TBC1D15: variants seen among roughly 807,000 people sequenced by gnomAD.
TBC1D15 encodes TBC1 domain family member 15, also known as GAP for RAB7.
A neutral mutation model predicts 95.4 loss-of-function variants in TBC1D15; 39 were observed. The ratio of observed to expected loss-of-function variants is 0.41; its 90% CI spans 0.32 to 0.53. TBC1D15 has a LOEUF of 0.53. Ranked by LOEUF, TBC1D15 falls within the 20% of genes least tolerant of loss-of-function variation. The pLI is 0.29. For missense variants in TBC1D15, 733 were observed against 794.3 expected, an observed-to-expected ratio of 0.92 and a Z score of 0.93; for synonymous variants, 258 against 261.3, an observed-to-expected ratio of 0.99 and a Z score of 0.12.
At chr12:71,876,291 C>T (rs1278273874) in intron 3 of TBC1D15, among the ~76,000 whole-genome samples, 6 of 152,112 alleles carry the variant, frequency 3.9e-5, no homozygotes, top group African/African-American at 7.2e-5. Context: ...TAACATTCTT[C>T]TAACACTGCT....
intron 1 of TBC1D15, among the ~76,000 whole-genome samples, chr12:71,870,415 C>T (rs1355017824): frequency 2.0e-5 from 3 of 152,142 alleles, no homozygotes; most frequent in Non-Finnish European, 2.9e-5. Context: ...ATGTAAGCTT[C>T]TGTTTATATG....
chr12:71,842,893 G>T (rs1042421811), intron 1 of TBC1D15, among the ~76,000 whole-genome samples: 2 of 151,720 alleles, frequency 1.3e-5, no homozygotes, highest in Admixed American at 1.3e-4. Context: ...GGGAGAAATG[G>T]GTCCATTAAT....
intron 11 of TBC1D15, among the ~76,000 whole-genome samples, chr12:71,910,294 G>A (rs1311350024): frequency 2.7e-5 from 4 of 150,442 alleles, no homozygotes; most frequent in Admixed American, 6.6e-5. Flanking sequence ...ATCAGGTAGT[G>A]TGATGCCTCC....
At chr12:71,911,426 T>C (rs1007616879) in intron 11 of TBC1D15, among the ~76,000 whole-genome samples, 15 of 151,414 alleles carry the variant, frequency 9.9e-5, no homozygotes, top group African/African-American at 3.4e-4. Flanking sequence ...ATATACACCA[T>C]GGAATACTAT....
chr12:71,882,314 T>G (rs577893958), intron 4 of TBC1D15, among the ~76,000 whole-genome samples: 1 of 152,312 alleles, frequency 6.6e-6, no homozygotes, highest in South Asian at 2.1e-4. Flanking sequence ...GAAATATTCC[T>G]TCCAAGAACA....
intron 5 of TBC1D15, among the ~76,000 whole-genome samples, chr12:71,887,218 A>G (rs113278332): frequency 6.6e-6 from 1 of 152,222 alleles, no homozygotes; most frequent in Admixed American, 6.5e-5. Context: ...TACTTGATCA[A>G]CTATCAAGTT....
intron 8 of TBC1D15, 100 bp downstream of exon 8, chr12:71,896,175 GT>G (rs202051621): frequency 0.12 from 93,486 of 789,944 alleles, no homozygotes; most frequent in East Asian, 0.16. Context: ...TTTGTTGTTG[GT>G]TTTTTTTTTT....
intron 12 of TBC1D15, among the ~76,000 whole-genome samples, chr12:71,914,862 C>G (rs537837691): frequency 6.6e-6 from 1 of 152,016 alleles, no homozygotes; most frequent in African/African-American, 2.4e-5. Context: ...TATTCTTTCC[C>G]TTTTGCTTGC....
intron 4 of TBC1D15, among the ~76,000 whole-genome samples, chr12:71,882,296 A>G (rs1374228122): frequency 6.6e-6 from 1 of 152,138 alleles, no homozygotes; most frequent in Non-Finnish European, 1.5e-5. Flanking sequence ...GACAAGTTAA[A>G]TGTTTTGGAA....
chr12:71,843,557 A>G (rs1197704321), intron 1 of TBC1D15, among the ~76,000 whole-genome samples: 1 of 152,132 alleles, frequency 6.6e-6, no homozygotes, highest in Non-Finnish European at 1.5e-5. Flanking sequence ...TTTTTCTGGC[A>G]TTCTTTAGTT....
intron 1 of TBC1D15, among the ~76,000 whole-genome samples, chr12:71,842,169 C>T (rs1885188618): frequency 1.3e-5 from 2 of 152,170 alleles, no homozygotes; most frequent in Admixed American, 6.5e-5. Context: ...TCTTAAAACT[C>T]TACTTGCTTT....
At chr12:71,875,054 T>C (rs1395695687) in intron 3 of TBC1D15, among the ~76,000 whole-genome samples, 2 of 152,112 alleles carry the variant, frequency 1.3e-5, no homozygotes, top group East Asian at 3.9e-4. Context: ...TCCATCCACC[T>C]CAGCCTCCCA....
At chr12:71,917,417 GAAAT>G (rs747640453) in intron 12 of TBC1D15, among the ~76,000 whole-genome samples, 12 of 152,156 alleles carry the variant, frequency 7.9e-5, no homozygotes, top group Non-Finnish European at 1.2e-4. Context: ...TGCTGTGTAA[GAAAT>G]AAATAGTCAG....
At chr12:71,841,958 A>ATG (rs1022837947) in intron 1 of TBC1D15, among the ~76,000 whole-genome samples, 9 of 152,104 alleles carry the variant, frequency 5.9e-5, no homozygotes, top group Admixed American at 2.6e-4. Flanking sequence ...TGGGGAGAAA[A>ATG]TGTGTGTGTG....
intron 3 of TBC1D15, among the ~76,000 whole-genome samples, chr12:71,878,591 C>T (rs1382907422): frequency 1.3e-5 from 2 of 151,542 alleles, no homozygotes; most frequent in Non-Finnish European, 2.9e-5. Flanking sequence ...TTTCGGCTCA[C>T]TGCAATCTCC....
At chr12:71,847,710 A>G (rs993286287) in intron 1 of TBC1D15, among the ~76,000 whole-genome samples, 1 of 151,898 alleles carries the variant, frequency 6.6e-6, no homozygotes, top group Non-Finnish European at 1.5e-5. Context: ...AAACCCCACA[A>G]ATAATATTCA....
At chr12:71,894,543 A>G in intron 6 of TBC1D15, 143 bp from the exon 7 acceptor site, 1 of 1,094,100 alleles carries the variant, frequency 9.1e-7, no homozygotes, top group Non-Finnish European at 1.3e-6. Context: ...GAAAGAAAAT[A>G]CAAATTTAAG....
At position 71,877,501 on chromosome 12, in the gene TBC1D15, TTC is replaced by T. The variant is rs1894160179; in HGVS notation, c.205-2967_205-2966del. On this transcript the variant is annotated intron_variant, in intron 3 of 16. Transcript: ENST00000485960. The stretch of plus-strand genomic sequence containing the variant: ...AAAATCTTTTCTTTCCTGTTTTTCC[TTC>T]CTTCCTTCCTTCCTTCCTTCCTTCC... Among the ~76,000 whole-genome samples the T allele has an allele frequency of 8.8e-3, 556 of 63,474 alleles. 17 individuals carry two copies. Among genetic ancestry groups the T allele is most frequent in the African/African-American group, 0.024 (457 of 19,040 alleles). The allele number at this position is 63,474 out of a possible 152,430, so 41.6% of individuals were successfully genotyped here. A position where few individuals can be genotyped will look rare whatever the true frequency, so the allele number is the denominator to read the frequency against.
At chr12:71,880,277 T>G (rs1342362958) in intron 3 of TBC1D15, among the ~76,000 whole-genome samples, 192 bp from the exon 4 acceptor site, 2 of 150,180 alleles carry the variant, frequency 1.3e-5, no homozygotes, top group Non-Finnish European at 2.9e-5. Flanking sequence ...GGGAGTCTAG[T>G]CAAGCTTCTC....
Sources: allele counts gnomAD v4.1 joint callset (sites outside exome capture counted in the v4.1 genomes callset), GRCh38; gene constraint gnomAD v4.1.1; transcripts MANE v1.5; gene names NCBI Gene and HGNC (gene_info 2026-07-23, HGNC 2026-07-21).